The following NRXN3 variants were observed in gnomAD, a reference collection of about 807,000 sequenced individuals.
NRXN3 encodes the protein neurexin III.
In NRXN3, 32 loss-of-function variants were observed where a neutral mutation model predicts 137.6. That is an observed-to-expected ratio of 0.23 (90% confidence interval 0.18 to 0.31). NRXN3 has a LOEUF of 0.31. Ranked by LOEUF, NRXN3 falls within the 10% of genes least tolerant of loss-of-function variation. The pLI, the probability that NRXN3 is intolerant of heterozygous loss-of-function variation, is 1.00. For missense variants in NRXN3, 1,574 were observed against 2,062.5 expected (o/e 0.76, Z 4.59); for synonymous variants, 798 against 784.5 (o/e 1.02, Z -0.29).
At chr14:79,165,478 T>G (rs2061199297) in intron 15 of NRXN3, among the ~76,000 whole-genome samples, 1 of 152,022 alleles carries the variant, frequency 6.6e-6, no homozygotes, top group Non-Finnish European at 1.5e-5. Context: ...TCCACTCTCA[T>G]GCGATTTTGT....
intron 2 of NRXN3, among the ~76,000 whole-genome samples, chr14:78,256,186 CGTT>C (rs2069561142): frequency 6.6e-6 from 1 of 152,026 alleles, no homozygotes. Context: ...GAGGCAGGCA[CGTT>C]GTTGTCACTG....
intron 16 of NRXN3, among the ~76,000 whole-genome samples, chr14:79,608,038 A>T (rs1223050546): frequency 1.3e-5 from 2 of 152,264 alleles, no homozygotes; most frequent in South Asian, 4.1e-4. Context: ...CCCTCATGGA[A>T]CCACTCCATT....
chr14:78,705,175 G>A (rs7144094), intron 6 of NRXN3, among the ~76,000 whole-genome samples: 2,708 of 152,238 alleles, frequency 0.018, 76 homozygotes, highest in African/African-American at 0.062. Flanking sequence ...GCTCCTCACC[G>A]AGGCGACTTG....
At chr14:79,560,118 C>T (rs1337318071) in intron 16 of NRXN3, among the ~76,000 whole-genome samples, 1 of 152,004 alleles carries the variant, frequency 6.6e-6, no homozygotes, top group Admixed American at 6.6e-5. Context: ...TTACTATTTG[C>T]AACTAACTGC....
At chr14:78,727,316 T>A (rs771144226) in intron 8 of NRXN3, among the ~76,000 whole-genome samples, 10 of 152,212 alleles carry the variant, frequency 6.6e-5, no homozygotes, top group Non-Finnish European at 1.5e-4. Flanking sequence ...AAGCATGTAT[T>A]GTTAATGCAG....
At chr14:79,803,958 CATATATATGTATGTATGTATGTGTAT>C (rs1191587152) in intron 19 of NRXN3, among the ~76,000 whole-genome samples, 1 of 141,374 alleles carries the variant, frequency 7.1e-6, no homozygotes, top group Non-Finnish European at 1.5e-5. Context: ...TATATATATA[CATATATATGTATGTATGTATGTGTAT>C]ATATATATGT....
At chr14:79,276,835 T>G (rs949471455) in intron 15 of NRXN3, among the ~76,000 whole-genome samples, 1 of 151,932 alleles carries the variant, frequency 6.6e-6, no homozygotes. Flanking sequence ...ATTAATGGCA[T>G]AAGGAAAATG....
At chr14:79,349,572 A>G (rs2093097853) in intron 15 of NRXN3, among the ~76,000 whole-genome samples, 1 of 151,650 alleles carries the variant, frequency 6.6e-6, no homozygotes. Context: ...ACACACACAC[A>G]CACACACACA....
At chr14:79,747,910 G>T (rs2098984542) in intron 19 of NRXN3, among the ~76,000 whole-genome samples, 4 of 152,058 alleles carry the variant, frequency 2.6e-5, no homozygotes, top group Admixed American at 2.6e-4. Flanking sequence ...AAAATAGAAT[G>T]CTAACATCGA....
intron 4 of NRXN3, among the ~76,000 whole-genome samples, chr14:78,356,832 A>G (rs958504232): frequency 6.6e-5 from 10 of 152,214 alleles, no homozygotes; most frequent in African/African-American, 2.4e-4. Context: ...CTACTCAGCA[A>G]AAAAGGGAAA....
At chr14:78,303,562 T>C (rs1050044895) in intron 4 of NRXN3, among the ~76,000 whole-genome samples, 4 of 152,132 alleles carry the variant, frequency 2.6e-5, no homozygotes, top group African/African-American at 9.7e-5. Flanking sequence ...ATTCTTCTTG[T>C]ATAATTGTCA....
At chr14:78,643,998 G>A (rs549593905) in intron 4 of NRXN3, among the ~76,000 whole-genome samples, 11 of 151,986 alleles carry the variant, frequency 7.2e-5, no homozygotes, top group East Asian at 1.9e-4. Context: ...AAAGTTAGTC[G>A]GGCGTGTTGT....
chr14:79,775,113 C>T (rs2099092516), intron 19 of NRXN3, among the ~76,000 whole-genome samples: 1 of 152,030 alleles, frequency 6.6e-6, no homozygotes, highest in Non-Finnish European at 1.5e-5. Context: ...TGGGGTGGTA[C>T]TATGGTATGT....
chr14:78,328,374 A>G (rs934916196), intron 4 of NRXN3, among the ~76,000 whole-genome samples: 1 of 152,180 alleles, frequency 6.6e-6, no homozygotes, highest in Non-Finnish European at 1.5e-5. Flanking sequence ...GATTTGATTC[A>G]TGTTCCCTGG....
In NRXN3 at chr14:78,269,444, G is replaced by C. The variant is rs74914389; in HGVS notation, c.710-9201G>C. Among the ~76,000 whole-genome samples the C allele has an allele frequency of 8.1e-3, 1,239 of 152,252 alleles. 11 individuals are homozygous for C. Among genetic ancestry groups the C allele is most frequent in the African/African-American group, 0.028 (1,168 of 41,530 alleles). Reference sequence around the variant, plus strand: ...GGTAGTTTTCAGGGGCCAGTGGGAGGGGGTAAAGGGAATTAGTTTTAATAG... The same window carrying C: ...GGTAGTTTTCAGGGGCCAGTGGGAGCGGGTAAAGGGAATTAGTTTTAATAG... On this transcript the variant is annotated intron_variant, in intron 2 of 20. Transcript: ENST00000335750.
intron 10 of NRXN3, among the ~76,000 whole-genome samples, chr14:78,917,562 A>C (rs572026584): frequency 7.2e-5 from 11 of 152,338 alleles, no homozygotes; most frequent in African/African-American, 2.6e-4. Context: ...TTTAGGTGTC[A>C]GGCATCTATA....
At chr14:78,815,629 A>G (rs1567396743) in intron 10 of NRXN3, among the ~76,000 whole-genome samples, 1 of 151,778 alleles carries the variant, frequency 6.6e-6, no homozygotes, top group Non-Finnish European at 1.5e-5. Context: ...GCAGTTTATT[A>G]TACTGGACTT....
intron 4 of NRXN3, among the ~76,000 whole-genome samples, chr14:78,629,901 A>C (rs2097503773): frequency 2.6e-5 from 4 of 152,226 alleles, no homozygotes; most frequent in Admixed American, 2.6e-4. Flanking sequence ...CTAGTTCTTC[A>C]AAAACCAAAA....
intron 19 of NRXN3, among the ~76,000 whole-genome samples, chr14:79,721,347 G>A (rs986266370): frequency 3.9e-5 from 6 of 152,150 alleles, no homozygotes; most frequent in African/African-American, 1.4e-4. Flanking sequence ...AGCCTCCTTG[G>A]ATAAACAAAA....
Sources: gnomAD v4.1 joint callset for allele counts (sites outside exome capture counted in the v4.1 genomes callset) on GRCh38, gnomAD v4.1.1 for gene constraint, MANE v1.5 for transcripts, NCBI Gene and HGNC (gene_info 2026-07-23, HGNC 2026-07-21) for gene names.